ANO4: variants seen among roughly 807,000 people sequenced by gnomAD.
The protein encoded by ANO4 is anoctamin 4, also known as anoctamin-4.
Under a neutral mutation model 141.9 loss-of-function variants are expected in ANO4, and 69 were observed. The observed-to-expected ratio is 0.49, with a 90% confidence interval of 0.40 to 0.59. The LOEUF is 0.59. ANO4 is among the 20% of genes least tolerant of loss of function. The pLI is 0.00. For missense variants in ANO4, 894 were observed against 1,162.2 expected, an observed-to-expected ratio of 0.77 and a Z score of 3.36; for synonymous variants, 350 against 394.3, an observed-to-expected ratio of 0.89 and a Z score of 1.33.
At chr12:100,747,737 G>A (rs187372132) in intron 3 of ANO4, among the ~76,000 whole-genome samples, 45 of 152,296 alleles carry the variant, frequency 3.0e-4, no homozygotes, top group Non-Finnish European at 4.9e-4. Context: ...GCTGGGTGTG[G>A]TGGCATGTGC....
At chr12:100,907,056 A>G (rs1443911019) in intron 2 of ANO4, among the ~76,000 whole-genome samples, 1 of 152,152 alleles carries the variant, frequency 6.6e-6, no homozygotes, top group African/African-American at 2.4e-5. Flanking sequence ...CTCAGACACC[A>G]AGGTTCTCCT....
chr12:101,054,390 A>G lies in ANO4; in HGVS notation c.1312+5989A>G, dbSNP rs74863817. Among the ~76,000 whole-genome samples the G allele has an allele frequency of 2.2e-3, 339 of 152,354 alleles. 12 individuals are homozygous for G. In the East Asian group the frequency reaches 0.059, roughly 26 times the overall value. On this transcript the variant is annotated intron_variant, in intron 14 of 27. Transcript: ENST00000392977. ...TGTGGGAAGATTTTTTTCAACTTTA[A>G]GTATAATTTATGTGCAATAAAATCC...
At chr12:100,787,557 C>T (rs187929023) in intron 3 of ANO4, among the ~76,000 whole-genome samples, 1 of 152,198 alleles carries the variant, frequency 6.6e-6, no homozygotes, top group African/African-American at 2.4e-5. Flanking sequence ...TAAAAATCCT[C>T]GGGGTTGGCC....
intron 1 of ANO4, among the ~76,000 whole-genome samples, chr12:100,805,106 A>G (rs758037925): frequency 6.6e-6 from 1 of 152,154 alleles, no homozygotes; most frequent in Non-Finnish European, 1.5e-5. Context: ...TCTTTAACCT[A>G]TCTTGAGTTA....
At chr12:100,847,267 T>G (rs182753705) in intron 1 of ANO4, among the ~76,000 whole-genome samples, 1 of 152,278 alleles carries the variant, frequency 6.6e-6, no homozygotes, top group Admixed American at 6.5e-5. Flanking sequence ...ATACACTTGC[T>G]TTTTTGGAAG....
At chr12:100,901,567 A>T (rs1368689298) in intron 1 of ANO4, 79 bp from the exon 2 acceptor site, 7 of 588,856 alleles carry the variant, frequency 1.2e-5, no homozygotes, top group Non-Finnish European at 2.1e-5. Context: ...TGTTCTCTGG[A>T]CTTCATATGA....
At chr12:100,982,080 A>G (rs1323454728) in intron 7 of ANO4, among the ~76,000 whole-genome samples, 1 of 152,212 alleles carries the variant, frequency 6.6e-6, no homozygotes, top group Non-Finnish European at 1.5e-5. Context: ...TGAGCTTACC[A>G]TCAGAACAAC....
intron 1 of ANO4, among the ~76,000 whole-genome samples, chr12:100,803,087 T>C (rs996097542): frequency 2.6e-5 from 4 of 152,192 alleles, no homozygotes; most frequent in African/African-American, 9.6e-5. Context: ...CCCATTAGTA[T>C]TTTTCTCAAG....
intron 3 of ANO4, among the ~76,000 whole-genome samples, chr12:100,776,427 A>G (rs1406387527): frequency 6.6e-6 from 1 of 152,188 alleles, no homozygotes; most frequent in African/African-American, 2.4e-5. Flanking sequence ...AGCATCAGAA[A>G]TGACCCAGGA....
At chr12:100,960,601 A>AT (rs1354533729) in intron 5 of ANO4, among the ~76,000 whole-genome samples, 1 of 150,460 alleles carries the variant, frequency 6.6e-6, no homozygotes, top group Non-Finnish European at 1.5e-5. Context: ...TTAAAGTAAA[A>AT]TAAAAAAAAA....
At chr12:100,864,077 A>C (rs1301560029) in intron 1 of ANO4, among the ~76,000 whole-genome samples, 1 of 152,170 alleles carries the variant, frequency 6.6e-6, no homozygotes, top group East Asian at 1.9e-4. Flanking sequence ...TTTTAGTTGC[A>C]AGATGACTGA....
chr12:100,955,783 G>C (rs763334203), intron 5 of ANO4, among the ~76,000 whole-genome samples: 15 of 152,136 alleles, frequency 9.9e-5, no homozygotes, highest in Non-Finnish European at 1.9e-4. Flanking sequence ...AGGTGACCTG[G>C]GACTTAAAGG....
chr12:101,052,475 GT>G lies in ANO4; in HGVS notation c.1312+4082del, dbSNP rs540902607. ...CTCTGTTCTGTTTCTGGTTTGGTTT[GT>G]TTTTTTTCTCTCTCTCCCCCTTGTT... On this transcript the variant is annotated intron_variant, in intron 14 of 27. Transcript: ENST00000392977. Among the ~76,000 whole-genome samples, 148 of 151,858 alleles carry G rather than the reference GT, an allele frequency of 9.7e-4. 1 individual carries two copies. In the South Asian group the frequency reaches 0.021, roughly 21 times the overall value.
chr12:101,014,619 C>A (rs1443228429), intron 8 of ANO4, among the ~76,000 whole-genome samples: 1 of 152,128 alleles, frequency 6.6e-6, no homozygotes, highest in Non-Finnish European at 1.5e-5. Context: ...TTTCTGAATT[C>A]CTCCTTGCCA....
intron 9 of ANO4, among the ~76,000 whole-genome samples, chr12:101,033,704 A>G (rs1255853226): frequency 6.6e-6 from 1 of 152,212 alleles, no homozygotes; most frequent in Non-Finnish European, 1.5e-5. Context: ...GTGAACAGAC[A>G]ATCTACAGAG....
At chr12:100,959,568 C>G (rs1350110335) in intron 5 of ANO4, among the ~76,000 whole-genome samples, 2 of 152,156 alleles carry the variant, frequency 1.3e-5, no homozygotes, top group African/African-American at 4.8e-5. Flanking sequence ...ACAGAAACCC[C>G]TTTTATAAAG....
chr12:101,018,696 C>T (rs2046404363), intron 8 of ANO4, among the ~76,000 whole-genome samples: 1 of 152,192 alleles, frequency 6.6e-6, no homozygotes, highest in Non-Finnish European at 1.5e-5. Flanking sequence ...GTACCAGCCA[C>T]TCACCGGATC....
chr12:100,836,961 T>G (rs1189807602), intron 1 of ANO4, among the ~76,000 whole-genome samples: 2 of 152,060 alleles, frequency 1.3e-5, no homozygotes, highest in Admixed American at 1.3e-4. Flanking sequence ...GAAGCTGGCT[T>G]GATAACATCC....
At position 101,042,378 on chromosome 12, in the gene ANO4, G is replaced by A. The variant is rs1206802276; in HGVS notation, c.1064G>A (p.Gly355Asp). 1.9e-6 allele frequency: 3 copies of A among 1,614,162 alleles called. No individual in the cohort carries two copies. The highest frequency in any genetic ancestry group is 1.7e-6 in the Non-Finnish European group (2 of 1,180,016). The change falls in exon 12 of 28, where the codon GGC becomes GAC. Residue 355 changes from glycine (G) to aspartate (D), a missense_variant. By Grantham distance (94) the Gly-to-Asp change is moderately conservative. Coordinates refer to ENST00000392977, the MANE Select transcript of ANO4 (RefSeq NM_001286615.2). ...EKIGLYFAWL[G>D]WYTGMLFPAA... is the part of the protein sequence containing the mutation. The stretch of plus-strand genomic sequence containing the variant: ...ATTGGGTTATATTTTGCCTGGTTGG[G>A]CTGGTACACCGGCATGCTCTTCCCA...
Sources: allele counts gnomAD v4.1 joint callset (sites outside exome capture counted in the v4.1 genomes callset), GRCh38; gene constraint gnomAD v4.1.1; transcripts MANE v1.5; gene names NCBI Gene and HGNC (gene_info 2026-07-23, HGNC 2026-07-21).